Variants in ACOT1 observed in about 807,000 individuals in gnomAD.
The protein encoded by ACOT1 is acyl-CoA thioesterase 1, also known as acyl-coenzyme A thioesterase 1.
A neutral mutation model predicts 15.7 loss-of-function variants in ACOT1; 8 were observed. That is an observed-to-expected ratio of 0.51 (90% CI 0.30 to 0.92). The LOEUF is 0.92. ACOT1 is among the 40% of genes least tolerant of loss of function. The probability of loss-of-function intolerance (pLI) is 0.06; values close to 1 mark genes in which losing one functional copy is unlikely to be tolerated. For missense variants in ACOT1, 151 were observed against 539.4 expected, an observed-to-expected ratio of 0.28 and a Z score of 7.13; for synonymous variants, 67 against 241.2, an observed-to-expected ratio of 0.28 and a Z score of 6.69.
the ACOT1 span, among the ~76,000 whole-genome samples, chr14:73,502,188 T>G: frequency 2.6e-5 from 4 of 151,948 alleles, no homozygotes; most frequent in Admixed American, 2.0e-4. Context: ...GCCACTGGGC[T>G]GGGCCTCCTG....
chr14:73,498,432 C>T, the ACOT1 span: 2 of 1,189,324 alleles, frequency 1.7e-6, no homozygotes, highest in Non-Finnish European at 2.3e-6. Context: ...GCAAACAATA[C>T]CTTCCCTTTT....
the ACOT1 span, chr14:73,520,210 T>C: frequency 0.76 from 116,042 of 152,098 alleles, 44,460 homozygotes; most frequent in East Asian, 0.92. Context: ...AGACCTAGAT[T>C]GAGTATCCTG....
At chr14:73,522,508 G>A in the ACOT1 span, 1 of 1,614,196 alleles carries the variant, frequency 6.2e-7, no homozygotes, top group Non-Finnish European at 8.5e-7. Flanking sequence ...GGATCCATCG[G>A]GCTGTGCGCT....
At chr14:73,505,199 G>T in the ACOT1 span, among the ~76,000 whole-genome samples, 3 of 152,156 alleles carry the variant, frequency 2.0e-5, no homozygotes, top group South Asian at 4.1e-4. Context: ...TTACAGGCAT[G>T]AGCCACCGTA....
the ACOT1 span, among the ~76,000 whole-genome samples, chr14:73,527,806 C>T: frequency 0.017 from 2,516 of 151,668 alleles, 101 homozygotes; most frequent in South Asian, 0.12. Flanking sequence ...GGCGAAACCC[C>T]ATCTCTACTA....
the ACOT1 span, among the ~76,000 whole-genome samples, chr14:73,511,189 A>C: frequency 2.6e-4 from 40 of 152,224 alleles, no homozygotes; most frequent in Non-Finnish European, 4.4e-4. Context: ...TGACTGCCCA[A>C]GGAGTGGCAC....
chr14:73,500,003 G>A, the ACOT1 span, among the ~76,000 whole-genome samples: 11 of 152,236 alleles, frequency 7.2e-5, no homozygotes, highest in Non-Finnish European at 1.5e-5. Flanking sequence ...GCCGAGGCGG[G>A]CGGATCACGA....
chr14:73,526,231 G>A, the ACOT1 span, among the ~76,000 whole-genome samples: 2 of 152,168 alleles, frequency 1.3e-5, no homozygotes, highest in Admixed American at 6.5e-5. Context: ...CACCCACAGA[G>A]GACACATTTA....
At chr14:73,509,810 C>CTATATATATA in the ACOT1 span, among the ~76,000 whole-genome samples, 21 of 63,196 alleles carry the variant, frequency 3.3e-4, 7 homozygotes, top group Admixed American at 7.0e-4. Flanking sequence ...CCCCATGAGC[C>CTATATATATA]CATATATATA....
At chr14:73,499,052 G>A in the ACOT1 span, 6 of 1,607,196 alleles carry the variant, frequency 3.7e-6, no homozygotes, top group Middle Eastern at 1.6e-4. Context: ...AAGAGTTTGG[G>A]GCACTACTTC....
chr14:73,537,325 T>A lies in ACOT1; in HGVS notation c.-97T>A, dbSNP rs538333294. 9.2e-6 allele frequency: 10 copies of A among 1,087,254 alleles called. 2 individuals carry two copies. The African/African-American group carries it at 1.1e-4, about 12-fold the overall frequency. 67.4% of individuals were successfully genotyped at this position (1,087,254 alleles called of 1,614,324 possible). A position where few individuals can be genotyped will look rare whatever the true frequency, so the allele number is the denominator to read the frequency against. ...AGACAGCTCTGCCCTAGTGGGCGTT[T>A]AGCCTGCGACGGCAGCCCGAGAGGA... is the stretch of plus-strand genomic sequence containing the variant. On this transcript the variant is annotated 5_prime_UTR_variant, in exon 1 of 3. Coordinates refer to ENST00000311148, the MANE Select transcript of ACOT1 (RefSeq NM_001037161.2).
At chr14:73,497,569 CTTG>C in the ACOT1 span, among the ~76,000 whole-genome samples, 2 of 152,160 alleles carry the variant, frequency 1.3e-5, no homozygotes, top group Non-Finnish European at 2.9e-5. Context: ...GACTCTAAAA[CTTG>C]TTGTCCCAAT....
rs1244735857 is a variant in ACOT1 at position 73,537,919 on chromosome 14, G to T, written c.457+41G>T. ...TAATTGTTCCCCTCTGCCCATCCCT[G>T]TTCCTGCGCTTTCCACTGTGTGTGT... On this transcript the variant is annotated intron_variant, in intron 1 of 2. Coordinates refer to ENST00000311148, the MANE Select transcript of ACOT1 (RefSeq NM_001037161.2). 2 of 1,148,086 alleles carry T rather than the reference G, an allele frequency of 1.7e-6. 1 individual carries two copies. Among genetic ancestry groups the T allele is most frequent in the Non-Finnish European group, 2.2e-6 (2 of 895,256 alleles). The allele number at this position is 1,148,086 out of a possible 1,614,324, so 71.1% of individuals were successfully genotyped here. A position where few individuals can be genotyped will look rare whatever the true frequency, so the allele number is the denominator to read the frequency against.
Position 73,537,935 on chromosome 14 carries a change from CTGTGTGTG to C in ACOT1, c.457+67_457+74del. 1.8e-6 allele frequency: 2 copies of C among 1,094,378 alleles called. 1 individual carries two copies. Among genetic ancestry groups the C allele is most frequent in the Non-Finnish European group, 2.3e-6 (2 of 856,240 alleles). 67.8% of individuals were successfully genotyped at this position (1,094,378 alleles called of 1,614,324 possible). ...CCCATCCCTGTTCCTGCGCTTTCCACTGTGTGTGTGTGTGTGTCCCCTTCGCCCCGCCC... is the reference window on the plus strand; with the variant it reads ...CCCATCCCTGTTCCTGCGCTTTCCACTGTGTGTGTCCCCTTCGCCCCGCCC... On this transcript the variant is annotated intron_variant, in intron 1 of 2. Coordinates refer to ENST00000311148, the MANE Select transcript of ACOT1 (RefSeq NM_001037161.2).
At chr14:73,506,804 GTTTTTTTT>G in the ACOT1 span, among the ~76,000 whole-genome samples, 26 of 80,494 alleles carry the variant, frequency 3.2e-4, 1 homozygote, top group South Asian at 2.3e-3. Flanking sequence ...GACTTTAACT[GTTTTTTTT>G]TTTTTTTTTT....
the ACOT1 span, chr14:73,502,972 C>G: frequency 6.2e-7 from 1 of 1,614,010 alleles, no homozygotes; most frequent in Non-Finnish European, 8.5e-7. Flanking sequence ...CTTCCTTATT[C>G]CAGTCATTCC....
the ACOT1 span, among the ~76,000 whole-genome samples, chr14:73,504,988 G>A: frequency 2.6e-5 from 4 of 151,996 alleles, no homozygotes; most frequent in African/African-American, 9.7e-5. Flanking sequence ...CTGGAGTGCA[G>A]TGGCACGATC....
At chr14:73,511,080 G>A in the ACOT1 span, among the ~76,000 whole-genome samples, 3 of 152,178 alleles carry the variant, frequency 2.0e-5, no homozygotes, top group East Asian at 5.8e-4. Context: ...TTTAACTGAA[G>A]TTCAAATTCT....
chr14:73,493,445 G>A, the ACOT1 span: 10 of 270,086 alleles, frequency 3.7e-5, no homozygotes, highest in Admixed American at 1.0e-4. Flanking sequence ...AGAAATGCAG[G>A]AGCGGGAGGA....
Sources: gnomAD v4.1 joint callset for allele counts (sites outside exome capture counted in the v4.1 genomes callset) on GRCh38, gnomAD v4.1.1 for gene constraint, MANE v1.5 for transcripts, NCBI Gene and HGNC (gene_info 2026-07-23, HGNC 2026-07-21) for gene names.